The following GNE variants were observed in gnomAD, a reference collection of about 807,000 sequenced individuals.
GNE encodes glucosamine (UDP-N-acetyl)-2-epimerase/N-acetylmannosamine kinase, also known as bifunctional UDP-N-acetylglucosamine 2-epimerase/N-acetylmannosamine kinase.
In GNE, 41 loss-of-function variants were observed where a neutral mutation model predicts 61.8. The observed-to-expected ratio is 0.66, with a 90% CI of 0.52 to 0.86. The LOEUF is 0.86. GNE is among the 40% of genes least tolerant of loss of function. The pLI, the probability that GNE is intolerant of heterozygous loss-of-function variation, is 0.00. For missense variants in GNE, 608 were observed against 909.1 expected (o/e 0.67, Z 4.26); for synonymous variants, 264 against 326.4 (o/e 0.81, Z 2.06).
chr9:36,262,138 C>A (rs1315241487), upstream of GNE, among the ~76,000 whole-genome samples: 1 of 151,794 alleles, frequency 6.6e-6, no homozygotes, highest in African/African-American at 2.4e-5. Context: ...TATATATGTA[C>A]CTTTTATGTG....
chr9:36,243,070 G>T (rs1385190509), intron 3 of GNE, among the ~76,000 whole-genome samples: 1 of 151,390 alleles, frequency 6.6e-6, no homozygotes, highest in African/African-American at 2.4e-5. Flanking sequence ...TTTGAGACAG[G>T]GTCTTATTCT....
intron 9 of GNE, among the ~76,000 whole-genome samples, chr9:36,220,838 G>A (rs1323943329): frequency 6.6e-6 from 1 of 152,248 alleles, no homozygotes; most frequent in Non-Finnish European, 1.5e-5. Context: ...TTACAAAGGA[G>A]TAAAGGGTAT....
intron 1 of GNE, among the ~76,000 whole-genome samples, chr9:36,264,155 CAG>C (rs1048764279): frequency 6.6e-6 from 1 of 151,692 alleles, no homozygotes; most frequent in Non-Finnish European, 1.5e-5. Context: ...TTTTTGGAGA[CAG>C]AGTCTCACTC....
chr9:36,225,289 G>A (rs1828813212), intron 7 of GNE, among the ~76,000 whole-genome samples: 1 of 151,950 alleles, frequency 6.6e-6, no homozygotes, highest in Admixed American at 6.6e-5. Flanking sequence ...TGTTATTAGT[G>A]GATTTTTATA....
intron 1 of GNE, among the ~76,000 whole-genome samples, chr9:36,273,946 C>T (rs1403974144): frequency 1.3e-5 from 2 of 152,050 alleles, no homozygotes; most frequent in Admixed American, 6.6e-5. Context: ...ATTTGGAACT[C>T]TTTAATGGTA....
At chr9:36,258,863 A>G (rs947405891), upstream of GNE, among the ~76,000 whole-genome samples, 4 of 152,122 alleles carry the variant, frequency 2.6e-5, no homozygotes, top group African/African-American at 9.7e-5. Context: ...GCCACCCCAC[A>G]GCGGTCCCTG....
intron 9 of GNE, 128 bp downstream of exon 9, chr9:36,222,649 G>T: frequency 1.3e-6 from 1 of 794,076 alleles, no homozygotes; most frequent in East Asian, 2.4e-5. Flanking sequence ...GCCACATGTG[G>T]CTCACCTTCA....
chr9:36,245,394 G>C (rs1228140763), intron 3 of GNE, among the ~76,000 whole-genome samples: 1 of 150,978 alleles, frequency 6.6e-6, no homozygotes, highest in Non-Finnish European at 1.5e-5. Flanking sequence ...TAGTAAAATG[G>C]CAGATTACAG....
intron 1 of GNE, among the ~76,000 whole-genome samples, chr9:36,257,801 T>TAAAAA (rs1563955404): frequency 5.6e-4 from 3 of 5,362 alleles, no homozygotes; most frequent in African/African-American, 2.1e-3. Flanking sequence ...AGACTCAGTC[T>TAAAAA]CAAAAAAAAA....
chr9:36,240,587 G>A (rs1211210405), intron 3 of GNE, among the ~76,000 whole-genome samples: 1 of 152,122 alleles, frequency 6.6e-6, no homozygotes, highest in Non-Finnish European at 1.5e-5. Context: ...TAGCATCTAT[G>A]TTCATCAAGG....
At chr9:36,259,392 CTT>C (rs10557132), upstream of GNE, among the ~76,000 whole-genome samples, 113,847 of 151,612 alleles carry the variant, frequency 0.75, 43,138 homozygotes, top group Non-Finnish European at 0.8. Context: ...ATATTAACAT[CTT>C]TTTTTTTTTA....
intron 1 of GNE, chr9:36,264,916 C>T (rs1299759197): frequency 1.3e-5 from 2 of 157,990 alleles, no homozygotes; most frequent in African/African-American, 2.4e-5. Context: ...TGTATGGGAG[C>T]TGTGTTTTCA....
rs545943569 is a variant in GNE, at chr9:36,274,914, C to T, written c.51+1980G>A. Among the ~76,000 whole-genome samples, 4 of 152,180 alleles carry T rather than the reference C, an allele frequency of 2.6e-5. 1 individual carries two copies. Among genetic ancestry groups the T allele is most frequent in the African/African-American group, 9.6e-5 (4 of 41,540 alleles). On this transcript the variant is annotated intron_variant, in intron 1 of 11. Coordinates refer to the GNE transcript ENST00000396594. Reference sequence around the variant, plus strand: ...ATTTTTTTTGTATTTTTAGTAGAGACGGGGTTTCACTGTGTTAGCCAGGAT... The same window carrying T: ...ATTTTTTTTGTATTTTTAGTAGAGATGGGGTTTCACTGTGTTAGCCAGGAT...
intron 5 of GNE, 53 bp downstream of exon 5, chr9:36,233,867 A>G (rs770885081): frequency 3.8e-6 from 5 of 1,325,390 alleles, no homozygotes; most frequent in Middle Eastern, 1.8e-4. Context: ...ACCTTATAAC[A>G]ACTCACGTAT....
chr9:36,244,507 G>T (rs1479743743), intron 3 of GNE, among the ~76,000 whole-genome samples: 1 of 152,110 alleles, frequency 6.6e-6, no homozygotes, highest in Non-Finnish European at 1.5e-5. Flanking sequence ...TATTTACAAA[G>T]ATATACTCTA....
In GNE at chr9:36,236,206, C is replaced by CT. The variant is rs974986312; in HGVS notation, c.769+625dup. 2.2e-3 allele frequency among the ~76,000 whole-genome samples: 317 copies of CT among 147,292 alleles called. 3 individuals carry two copies. In the East Asian group the frequency reaches 0.041, roughly 19 times the overall value. On this transcript the variant is annotated intron_variant, in intron 4 of 11. Transcript: ENST00000642385. ...TTTTCTAGAGATTCTTTCACTTCAACTTTTTTTTTTTTGAGATGGAGTCTC... is the reference window on the plus strand; with the variant it reads ...TTTTCTAGAGATTCTTTCACTTCAACTTTTTTTTTTTTTGAGATGGAGTCTC...
intron 1 of GNE, among the ~76,000 whole-genome samples, chr9:36,256,078 C>A (rs570368041): frequency 1.3e-5 from 2 of 152,050 alleles, no homozygotes; most frequent in Non-Finnish European, 1.5e-5. Context: ...GCATGTGACA[C>A]CATGCCCAGC....
At chr9:36,219,525 A>G (rs1261611281) in intron 10 of GNE, among the ~76,000 whole-genome samples, 1 of 152,176 alleles carries the variant, frequency 6.6e-6, no homozygotes, top group East Asian at 1.9e-4. Context: ...TGTTTTGTCC[A>G]TTTATTTCTT....
chr9:36,241,411 A>G (rs1187226560), intron 3 of GNE, among the ~76,000 whole-genome samples: 2 of 152,180 alleles, frequency 1.3e-5, no homozygotes, highest in Non-Finnish European at 2.9e-5. Context: ...CACTGTGCCC[A>G]GCAACAGTTT....
Sources: allele counts gnomAD v4.1 joint callset (sites outside exome capture counted in the v4.1 genomes callset), GRCh38; gene constraint gnomAD v4.1.1; transcripts MANE v1.5; gene names NCBI Gene and HGNC (gene_info 2026-07-23, HGNC 2026-07-21).